Variants in MAPK4 observed in about 807,000 individuals in gnomAD.
MAPK4 encodes mitogen-activated protein kinase 4, also known as Erk3-related.
A neutral mutation model predicts 47.7 loss-of-function variants in MAPK4; 22 were observed. That is an observed-to-expected ratio of 0.46 (90% confidence interval 0.33 to 0.66). The LOEUF is 0.66. MAPK4 is among the 30% of genes least tolerant of loss of function. MAPK4 has a pLI of 0.02. For missense variants in MAPK4, 736 were observed against 831.7 expected, an observed-to-expected ratio of 0.88 and a Z score of 1.42; for synonymous variants, 390 against 365.7, an observed-to-expected ratio of 1.07 and a Z score of -0.76.
At chr18:50,674,159 C>T (rs551550844) in intron 2 of MAPK4, among the ~76,000 whole-genome samples, 10 of 152,284 alleles carry the variant, frequency 6.6e-5, no homozygotes, top group East Asian at 3.9e-4. Context: ...GTAAAGGACC[C>T]GACCTTCAGT....
intron 1 of MAPK4, among the ~76,000 whole-genome samples, chr18:50,600,101 G>T (rs1431142457): frequency 6.6e-6 from 1 of 152,182 alleles, no homozygotes; most frequent in Non-Finnish European, 1.5e-5. Flanking sequence ...GATATAGTTT[G>T]TGTATTCTAA....
intron 2 of MAPK4, among the ~76,000 whole-genome samples, chr18:50,680,112 A>G (rs1352332952): frequency 1.1e-5 from 1 of 90,394 alleles, no homozygotes; most frequent in Non-Finnish European, 2.0e-5. Context: ...TTTTTTTGAG[A>G]CAGAGTTTCG....
intron 1 of MAPK4, among the ~76,000 whole-genome samples, chr18:50,591,591 G>C (rs903887266): frequency 6.6e-6 from 1 of 150,928 alleles, no homozygotes. Flanking sequence ...TTTGTTTAGT[G>C]CATTTATGGT....
intron 5 of MAPK4, among the ~76,000 whole-genome samples, chr18:50,727,114 A>G (rs1324819059): frequency 1.3e-5 from 2 of 152,224 alleles, no homozygotes; most frequent in Non-Finnish European, 1.5e-5. Context: ...ATGTATTTTT[A>G]AACAATTTCT....
chr18:50,562,435 A>G (rs1199153489), intron 1 of MAPK4, among the ~76,000 whole-genome samples: 1 of 143,082 alleles, frequency 7.0e-6, no homozygotes, highest in African/African-American at 2.6e-5. Flanking sequence ...AAAAAAAAAA[A>G]AGACACCTCC....
chr18:50,703,737 T>G (rs1217234485), intron 2 of MAPK4, among the ~76,000 whole-genome samples: 1 of 152,112 alleles, frequency 6.6e-6, no homozygotes, highest in Non-Finnish European at 1.5e-5. Flanking sequence ...ACATACTAAA[T>G]CCCCATCTAG....
At chr18:50,629,288 G>A (rs1336036594) in intron 1 of MAPK4, 1 of 152,220 alleles carries the variant, frequency 6.6e-6, no homozygotes, top group Non-Finnish European at 1.5e-5. Flanking sequence ...GCTCCCAGGA[G>A]GCTGGCGTTT....
At chr18:50,616,815 C>G (rs1486321347) in intron 1 of MAPK4, among the ~76,000 whole-genome samples, 1 of 152,236 alleles carries the variant, frequency 6.6e-6, no homozygotes, top group East Asian at 1.9e-4. Context: ...ATGCTGTCAG[C>G]TGATTAGATG....
At chr18:50,604,609 A>T (rs1227734741) in intron 1 of MAPK4, among the ~76,000 whole-genome samples, 3 of 152,254 alleles carry the variant, frequency 2.0e-5, no homozygotes, top group Non-Finnish European at 4.4e-5. Flanking sequence ...GATACTTGTA[A>T]ATAAAGCAGC....
At chr18:50,652,070 C>T (rs1316976443) in intron 1 of MAPK4, among the ~76,000 whole-genome samples, 1 of 152,204 alleles carries the variant, frequency 6.6e-6, no homozygotes, top group South Asian at 2.1e-4. Flanking sequence ...CCCGATTGTT[C>T]TTCTCTCATG....
At chr18:50,614,096 C>T (rs1336927851) in intron 1 of MAPK4, among the ~76,000 whole-genome samples, 3 of 151,998 alleles carry the variant, frequency 2.0e-5, no homozygotes, top group Non-Finnish European at 4.4e-5. Context: ...TATTATTATG[C>T]CTGTTGGGTA....
chr18:50,597,250 A>G (rs750023455), intron 1 of MAPK4, among the ~76,000 whole-genome samples: 3 of 152,218 alleles, frequency 2.0e-5, no homozygotes, highest in Non-Finnish European at 4.4e-5. Context: ...ACAAACCCAC[A>G]GGAAAGGTCT....
intron 2 of MAPK4, among the ~76,000 whole-genome samples, chr18:50,681,941 C>CATTA (rs1160699552): frequency 1.3e-5 from 2 of 152,070 alleles, no homozygotes; most frequent in African/African-American, 4.8e-5. Flanking sequence ...ACCTTGAAAC[C>CATTA]ATTATCCTAA....
chr18:50,685,733 G>A (rs530338562), intron 2 of MAPK4, among the ~76,000 whole-genome samples: 159 of 152,334 alleles, frequency 1.0e-3, no homozygotes, highest in Non-Finnish European at 2.0e-3. Context: ...CCTTCTCAAG[G>A]GAGGCCAGTG....
chr18:50,729,807 C>G lies in MAPK4; in HGVS notation c.1717C>G (p.Pro573Ala), dbSNP rs780218522. The stretch of plus-strand genomic sequence containing the variant: ...CAATGGTGCGTGCATCCCCGAGCAC[C>G]CTGGCGACCTCGTGCAGACCGAGGC... ...DLNGACIPEH[P>A]GDLVQTEAFS... The change falls in exon 6 of 6, where the codon CCT (proline) becomes GCT (alanine). Residue 573 changes from proline (P) to alanine (A), a missense_variant. Pro to Ala is a conservative substitution (Grantham distance 27, BLOSUM62 -1). This residue lies in a region of MAPK4 where 377 missense variants were observed against 378.6 expected (regional missense o/e 1.00). Transcript: ENST00000400384. The G allele has an allele frequency of 1.2e-6, 2 of 1,612,284 alleles. No individual in the cohort carries two copies. Among genetic ancestry groups the G allele is most frequent in the Non-Finnish European group, 8.5e-7 (1 of 1,179,736 alleles).
At chr18:50,645,649 C>G (rs1598861053) in intron 1 of MAPK4, among the ~76,000 whole-genome samples, 1 of 152,156 alleles carries the variant, frequency 6.6e-6, no homozygotes, top group South Asian at 2.1e-4. Flanking sequence ...GGGTGCATGG[C>G]AAGCCAATGG....
chr18:50,704,679 G>A (rs1330892669), intron 2 of MAPK4: 4 of 398,732 alleles, frequency 1.0e-5, no homozygotes, highest in Non-Finnish European at 1.8e-5. Flanking sequence ...CAGCTGTGAA[G>A]AGGCTGGAAT....
Position 50,567,730 on chromosome 18 carries a change from T to TTGTG in MAPK4, c.-871+7508_-871+7511dup, listed in dbSNP as rs10551391. ...TTTCTATAGAATTTTTTATAGGACT[T>TTGTG]TGTGTGTGTGTGTGTGTGTGTGTGG... is the stretch of plus-strand genomic sequence containing the variant. On this transcript the variant is annotated intron_variant, in intron 1 of 5. Transcript: ENST00000400384. Among the ~76,000 whole-genome samples, 35 of 149,198 alleles carry TTGTG rather than the reference T, an allele frequency of 2.3e-4. 1 individual carries two copies. The highest frequency in any genetic ancestry group is 5.9e-4 in the African/African-American group (24 of 40,604).
chr18:50,573,362 T>G (rs1319074177), intron 1 of MAPK4, among the ~76,000 whole-genome samples: 6 of 152,114 alleles, frequency 3.9e-5, no homozygotes, highest in Non-Finnish European at 7.4e-5. Context: ...CAGCAAAGCT[T>G]CATCTCTATT....
Sources: gnomAD v4.1 joint callset for allele counts (sites outside exome capture counted in the v4.1 genomes callset) on GRCh38, gnomAD v4.1.1 for gene constraint, gnomAD v4.1.1 regional missense constraint, MANE v1.5 for transcripts, NCBI Gene and HGNC (gene_info 2026-07-23, HGNC 2026-07-21) for gene names.